INSR: variants seen among roughly 807,000 people sequenced by gnomAD.
INSR encodes IR.
INSR carries 67 observed loss-of-function variants against 142.6 expected under a neutral mutation model. The ratio of observed to expected loss-of-function variants is 0.47; its 90% CI spans 0.39 to 0.58. The LOEUF is 0.58. INSR is among the 20% of genes least tolerant of loss of function. INSR has a pLI of 0.00. For missense variants in INSR, 1,248 were observed against 1,833.2 expected (o/e 0.68, Z 5.83); for synonymous variants, 756 against 743.1 (o/e 1.02, Z -0.28).
Position 7,267,833 on chromosome 19 carries a change from A to G in INSR, c.164T>C (p.Val55Ala), listed in dbSNP as rs121913152. 6.2e-7 allele frequency: 1 copy of G among 1,614,126 alleles called. No homozygotes were observed. The highest frequency in any genetic ancestry group is 8.5e-7 in the Non-Finnish European group (1 of 1,180,012). Residue 55 changes from valine (V) to alanine (A), a missense_variant, in exon 2 of 22, where the codon GTC becomes GCC. Around this residue, in one of 3 missense-constraint regions of INSR, gnomAD observed 1,069 missense variants for 1,654.0 expected, o/e 0.65. Coordinates refer to ENST00000302850, the MANE Select transcript of INSR (RefSeq NM_000208.4). The surrounding 1 kb of genome is among the most constrained non-coding windows in gnomAD (Gnocchi z 6.3). Reference sequence around the variant, plus strand: ...GAGTATCTGCAAGTGTCCTTCGATGACAGAGCAATTCTCCAGCTCATGCAA... The same window carrying G: ...GAGTATCTGCAAGTGTCCTTCGATGGCAGAGCAATTCTCCAGCTCATGCAA... Reference protein sequence around the residue: ...TRLHELENCSVIEGHLQILLM... With the variant: ...TRLHELENCSAIEGHLQILLM...
chr19:7,150,262 G>T lies in INSR; in HGVS notation c.2267+235C>A, dbSNP rs1239597278. Among the ~76,000 whole-genome samples, 1 of 152,216 alleles carries T rather than the reference G, an allele frequency of 6.6e-6. No homozygotes were observed. The highest frequency in any genetic ancestry group is 1.5e-5 in the Non-Finnish European group (1 of 68,036). On this transcript the variant is annotated intron_variant, in intron 11 of 21. Transcript: ENST00000302850. The surrounding 1 kb of genome is among the most constrained non-coding windows in gnomAD (Gnocchi z 4.2). ...GGGGGTACCCAGGAAGCACTCCCAT[G>T]ATTCTATGTTTTAGCAAGAGTGTGT...
intron 2 of INSR, among the ~76,000 whole-genome samples, chr19:7,203,423 CAGAG>C (rs1219671722): frequency 1.3e-5 from 2 of 152,056 alleles, no homozygotes; most frequent in South Asian, 2.1e-4. Flanking sequence ...GTAAGCGGCA[CAGAG>C]AGAGAGAACC....
intron 2 of INSR, among the ~76,000 whole-genome samples, chr19:7,250,452 GA>G (rs1976685023): frequency 1.2e-5 from 1 of 82,754 alleles, no homozygotes; most frequent in East Asian, 3.8e-4. Context: ...AAAGAAGAAA[GA>G]AAAGGAAGAA....
In INSR at chr19:7,114,047, C is replaced by CAAAAAAAAAAAAA; in HGVS notation, c.*2996_*3008dup. On this transcript the variant is annotated 3_prime_UTR_variant, in exon 22 of 22. Transcript: ENST00000302850. ...AACACAGAGGTCCAAGGTGTTGTTG[C>CAAAAAAAAAAAAA]AAAAAAAAAAAAAAAAAAAAAAAAA... 1 of 65,486 alleles carries CAAAAAAAAAAAAA rather than the reference C, an allele frequency of 1.5e-5. No individual in the cohort carries two copies. Among genetic ancestry groups the CAAAAAAAAAAAAA allele is most frequent in the Non-Finnish European group, 2.8e-5 (1 of 36,326 alleles). 4.1% of individuals were successfully genotyped at this position (65,486 alleles called of 1,614,324 possible). A position where few individuals can be genotyped will look rare whatever the true frequency, so the allele number is the denominator to read the frequency against.
At chr19:7,197,835 C>CGAGAGAGAGAAA (rs1974815513) in intron 2 of INSR, among the ~76,000 whole-genome samples, 1 of 28,314 alleles carries the variant, frequency 3.5e-5, no homozygotes, top group Non-Finnish European at 6.4e-5. Context: ...AGAGAGAGAA[C>CGAGAGAGAGAAA]GAGAGAGAGA....
intron 1 of INSR, among the ~76,000 whole-genome samples, chr19:7,284,513 C>G (rs1433709603): frequency 6.6e-6 from 1 of 151,986 alleles, no homozygotes; most frequent in Non-Finnish European, 1.5e-5. Context: ...CAAATAACCA[C>G]AAAAAGGACT....
intron 2 of INSR, among the ~76,000 whole-genome samples, chr19:7,211,815 A>C (rs1465457013): frequency 6.6e-6 from 1 of 152,100 alleles, no homozygotes; most frequent in African/African-American, 2.4e-5. Context: ...GAACGAAAAC[A>C]CTTCTTCTGC....
intron 1 of INSR, among the ~76,000 whole-genome samples, chr19:7,290,759 CT>C (rs1194557440): frequency 7.1e-6 from 1 of 140,748 alleles, no homozygotes; most frequent in Non-Finnish European, 1.5e-5. Flanking sequence ...GAGTGACACC[CT>C]GTCTCAAAAA....
chr19:7,202,481 T>A (rs1048807135), intron 2 of INSR, among the ~76,000 whole-genome samples: 2 of 152,120 alleles, frequency 1.3e-5, no homozygotes, highest in Admixed American at 1.3e-4. Context: ...GGTTGGTTGT[T>A]TTTTTGTTTT....
At chr19:7,288,649 T>C (rs370155202) in intron 1 of INSR, among the ~76,000 whole-genome samples, 401 of 38,362 alleles carry the variant, frequency 0.01, no homozygotes, top group Non-Finnish European at 0.018. Flanking sequence ...TAAAAAGAAA[T>C]AAAAATTGGA....
At chr19:7,237,740 C>T (rs12973012) in intron 2 of INSR, among the ~76,000 whole-genome samples, 33,602 of 151,698 alleles carry the variant, frequency 0.22, 4,726 homozygotes, top group Middle Eastern at 0.31. Context: ...GGCGTAAACC[C>T]GGGAGGTGGA....
At chr19:7,233,161 T>C (rs144541845) in intron 2 of INSR, among the ~76,000 whole-genome samples, 254 of 151,978 alleles carry the variant, frequency 1.7e-3, no homozygotes, top group Non-Finnish European at 2.8e-3. Context: ...ACCTGGCTAA[T>C]TTTTGTATTT....
chr19:7,241,972 T>C (rs1316210084), intron 2 of INSR, among the ~76,000 whole-genome samples: 1 of 151,810 alleles, frequency 6.6e-6, no homozygotes, highest in Non-Finnish European at 1.5e-5. Flanking sequence ...GCCAACATGG[T>C]GAAACCCCGT....
rs1972436631 is a variant in INSR, at chr19:7,119,764, A to ACG, written c.3660-182_3660-181insCG. Among the ~76,000 whole-genome samples, 2 of 133,086 alleles carry ACG rather than the reference A, an allele frequency of 1.5e-5. No homozygotes were observed. Among genetic ancestry groups the ACG allele is most frequent in the East Asian group, 2.6e-4 (1 of 3,844 alleles). The allele number at this position is 133,086 out of a possible 152,430, so 87.3% of individuals were successfully genotyped here. A position where few individuals can be genotyped will look rare whatever the true frequency, so the allele number is the denominator to read the frequency against. On this transcript the variant is annotated intron_variant, in intron 20 of 21. Coordinates refer to ENST00000302850, the MANE Select transcript of INSR (RefSeq NM_000208.4). This position sits in a 1 kb window ranked among gnomAD's most constrained non-coding sequence, Gnocchi z 5.2. ...CACGTGCACACACATGCAAATACAC[A>ACG]CAAACACGCATGCGCACACATGCAC...
chr19:7,196,123 C>T (rs1014853535), intron 2 of INSR, among the ~76,000 whole-genome samples: 1 of 150,840 alleles, frequency 6.6e-6, no homozygotes, highest in Non-Finnish European at 1.5e-5. Flanking sequence ...TTAGTAGAGA[C>T]GGGGCTTCTC....
intron 2 of INSR, among the ~76,000 whole-genome samples, chr19:7,185,820 G>C (rs1164256063): frequency 1.3e-5 from 1 of 75,674 alleles, no homozygotes; most frequent in Admixed American, 1.8e-4. Flanking sequence ...TCCAGCCTGG[G>C]CAACAAGTGC....
At position 7,192,832 on chromosome 19, in the gene INSR, A is replaced by G. The variant is rs570071385; in HGVS notation, c.653-8195T>C. ...GCTCCTGGGTGAGCACACAGAAGCA[A>G]CTATCATCTTCCTGAAACTTTCAGC... On this transcript the variant is annotated intron_variant, in intron 2 of 21. Coordinates refer to ENST00000302850, the MANE Select transcript of INSR (RefSeq NM_000208.4). This position sits in a 1 kb window ranked among gnomAD's most constrained non-coding sequence, Gnocchi z 4.2. Among the ~76,000 whole-genome samples the G allele has an allele frequency of 1.1e-4, 17 of 152,324 alleles. No homozygotes were observed. Among genetic ancestry groups the G allele is most frequent in the African/African-American group, 4.1e-4 (17 of 41,572 alleles).
At chr19:7,208,070 C>A (rs994730455) in intron 2 of INSR, among the ~76,000 whole-genome samples, 5 of 152,108 alleles carry the variant, frequency 3.3e-5, no homozygotes, top group Admixed American at 1.3e-4. Context: ...CCCCAGAAAA[C>A]CACCTCGTGT....
At chr19:7,199,704 A>T (rs1479090616) in intron 2 of INSR, among the ~76,000 whole-genome samples, 4 of 151,384 alleles carry the variant, frequency 2.6e-5, no homozygotes, top group Non-Finnish European at 5.9e-5. Flanking sequence ...TGGCTGTAAC[A>T]CGGCATCACA....
Sources: gnomAD v4.1 joint callset for allele counts (sites outside exome capture counted in the v4.1 genomes callset) on GRCh38, gnomAD v4.1.1 for gene constraint, gnomAD v4.1.1 regional missense constraint, Gnocchi (gnomAD v3.1) non-coding constraint, MANE v1.5 for transcripts, NCBI Gene and HGNC (gene_info 2026-07-23, HGNC 2026-07-21) for gene names.